Variants in CSAD observed in about 807,000 individuals in gnomAD.
CSAD encodes cysteine sulfinic acid decarboxylase, also known as P-selectin cytoplasmic tail-associated protein.
In CSAD, 47 loss-of-function variants were observed where a neutral mutation model predicts 61.5. The ratio of observed to expected loss-of-function variants is 0.76; its 90% CI spans 0.60 to 0.97. CSAD has a LOEUF of 0.97. Ranked by LOEUF, CSAD falls within the 50% of genes least tolerant of loss-of-function variation. The pLI is 0.00. For missense variants in CSAD, 611 were observed against 643.6 expected (o/e 0.95, Z 0.55); for synonymous variants, 245 against 252.7 (o/e 0.97, Z 0.29).
chr12:53,171,133 T>C, intron 8 of CSAD, 193 bp downstream of exon 8: 1 of 803,020 alleles, frequency 1.2e-6, no homozygotes, highest in Non-Finnish European at 2.1e-6. Context: ...GCCCCTCCTC[T>C]GCCCCCAAAC....
chr12:53,158,460 G>T lies in CSAD; in HGVS notation c.*51C>A. ...CTCAAAGGCTGGGAGGGAATGCAGT[G>T]ACTCTGCGGGTGAGGGGTGGTATCA... On this transcript the variant is annotated 3_prime_UTR_variant, in exon 17 of 17. Coordinates refer to ENST00000444623, the MANE Select transcript of CSAD (RefSeq NM_001244705.2). 6.4e-7 allele frequency: 1 copy of T among 1,571,898 alleles called. No homozygotes were observed.
chr12:53,166,681 A>G (rs1939979424), intron 10 of CSAD, among the ~76,000 whole-genome samples: 1 of 152,072 alleles, frequency 6.6e-6, no homozygotes, highest in Admixed American at 6.6e-5. Flanking sequence ...CTGTAATCCC[A>G]GCTACTCAGG....
At chr12:53,160,343 C>T in intron 13 of CSAD, 24 bp from the exon 14 acceptor site, 2 of 1,610,808 alleles carry the variant, frequency 1.2e-6, no homozygotes, top group Middle Eastern at 1.7e-4. Context: ...AGGAGATTGT[C>T]AGACCCTACC....
At chr12:53,159,823 G>T in intron 15 of CSAD, 64 bp downstream of exon 15, 1 of 1,543,294 alleles carries the variant, frequency 6.5e-7, no homozygotes, top group Non-Finnish European at 8.8e-7. Flanking sequence ...GGCTTTAGTT[G>T]GGGCTTGGGG....
In CSAD at chr12:53,161,161, G is replaced by C; in HGVS notation, c.850C>G (p.Gln284Glu). The change falls in exon 12 of 17, where the codon CAG becomes GAG. Residue 284 changes from glutamine (Q) to glutamate (E), a missense_variant. By Grantham distance (29) the Gln-to-Glu change is conservative. Coordinates refer to ENST00000444623, the MANE Select transcript of CSAD (RefSeq NM_001244705.2). ...CCATCCAGGAGATGCCTGTGTGTCTGTGACAGCAGGACGCTCCCACCCCAG... is the reference window on the plus strand; with the variant it reads ...CCATCCAGGAGATGCCTGTGTGTCTCTGACAGCAGGACGCTCCCACCCCAG... The part of the protein sequence containing the change: ...AAWGGSVLLS[Q>E]THRHLLDGIQ... 6.2e-7 allele frequency: 1 copy of C among 1,614,170 alleles called. No individual in the cohort carries two copies.
intron 1 of CSAD, 130 bp downstream of exon 1, chr12:53,180,602 C>T (rs1489372928): frequency 3.1e-6 from 4 of 1,284,508 alleles, no homozygotes; most frequent in Non-Finnish European, 4.1e-6. Flanking sequence ...CAAGCTCACC[C>T]GCTCTGAGGC....
intron 15 of CSAD, 34 bp downstream of exon 15, chr12:53,159,852 TG>T: frequency 6.4e-7 from 1 of 1,571,982 alleles, no homozygotes; most frequent in Non-Finnish European, 8.6e-7. Flanking sequence ...AGAGCTAGGC[TG>T]GGGCAGGGGC....
At chr12:53,162,764 G>GA (rs201331807) in intron 10 of CSAD, among the ~76,000 whole-genome samples, 4,193 of 146,970 alleles carry the variant, frequency 0.029, 186 homozygotes, top group African/African-American at 0.099. Context: ...CTCTACAAAC[G>GA]AAAAAAAAAT....
intron 10 of CSAD, among the ~76,000 whole-genome samples, chr12:53,167,693 C>A (rs1940090514): frequency 6.6e-6 from 1 of 152,002 alleles, no homozygotes; most frequent in African/African-American, 2.4e-5. Flanking sequence ...CACTTCACAC[C>A]CACTAAGTGG....
intron 13 of CSAD, 72 bp from the exon 14 acceptor site, chr12:53,160,391 G>A: frequency 6.9e-7 from 1 of 1,455,592 alleles, no homozygotes; most frequent in Non-Finnish European, 9.6e-7. Flanking sequence ...TGCACTGTGG[G>A]GGTCTTAGCT....
At chr12:53,169,440 T>C (rs943380404) in intron 10 of CSAD, among the ~76,000 whole-genome samples, 20 of 151,120 alleles carry the variant, frequency 1.3e-4, no homozygotes, top group South Asian at 1.0e-3. Context: ...GATCACGCCA[T>C]TGCACTCCTG....
At position 53,170,510 on chromosome 12, in the gene CSAD, G is replaced by T. The variant is rs759983714; in HGVS notation, c.568-8C>A. 1.2e-6 allele frequency: 2 copies of T among 1,612,622 alleles called. No individual in the cohort carries two copies. The highest frequency in any genetic ancestry group is 1.7e-6 in the Non-Finnish European group (2 of 1,178,690). ...CTGGATGGAGTAGTGACACTGTGGGGGAAGGCAGAGGGCAAGTTAGCACAA... is the reference window on the plus strand; with the variant it reads ...CTGGATGGAGTAGTGACACTGTGGGTGAAGGCAGAGGGCAAGTTAGCACAA... On this transcript the variant is annotated splice_polypyrimidine_tract_variant and splice_region_variant and intron_variant, in intron 8 of 16. Transcript: ENST00000444623.
In CSAD at chr12:53,159,681, A is replaced by T. The variant is rs371460158; in HGVS notation, c.1250T>A (p.Val417Glu). The change falls in exon 16 of 17, where the codon GTA becomes GAA. Residue 417 changes from valine to glutamate, a missense_variant. Physicochemically the swap from Val to Glu is moderately radical, Grantham distance 121. Transcript: ENST00000444623. ...CTGCTTCCCTCGCAGGCTGGGGGGT[A>T]CGAACCAGAAACACACATTGACAAA... ...PEFVNVCFWF[V>E]PPSLRGKQES... 4.3e-5 allele frequency: 69 copies of T among 1,611,218 alleles called. No individual in the cohort carries two copies. Among genetic ancestry groups the T allele is most frequent in the Non-Finnish European group, 5.6e-5 (66 of 1,178,824 alleles).
intron 2 of CSAD, among the ~76,000 whole-genome samples, chr12:53,176,838 T>C (rs1941144801): frequency 6.6e-6 from 1 of 152,126 alleles, no homozygotes; most frequent in African/African-American, 2.4e-5. Flanking sequence ...GCTCAAACAA[T>C]TCTCCCACCT....
At chr12:53,177,954 T>TA (rs751734048) in intron 2 of CSAD, 1,750 of 151,208 alleles carry the variant, frequency 0.012, 8 homozygotes, top group Non-Finnish European at 0.016. Context: ...ACCCATCTCT[T>TA]AAAAAAAAAA....
At chr12:53,176,116 GA>G (rs1252233466) in intron 2 of CSAD, among the ~76,000 whole-genome samples, 1 of 151,902 alleles carries the variant, frequency 6.6e-6, no homozygotes, top group Non-Finnish European at 1.5e-5. Context: ...AAGGGGGGGT[GA>G]GGGGCGGGCA....
At chr12:53,173,576 T>C (rs543679538) in intron 3 of CSAD, 100 bp from the exon 4 acceptor site, 7 of 1,597,308 alleles carry the variant, frequency 4.4e-6, no homozygotes, top group Non-Finnish European at 6.0e-6. Flanking sequence ...GCCCAAACCC[T>C]GCAGCTCAGT....
chr12:53,170,276 CT>C, intron 9 of CSAD, 146 bp downstream of exon 9: 1 of 977,920 alleles, frequency 1.0e-6, no homozygotes, highest in Non-Finnish European at 1.6e-6. Flanking sequence ...CGCTGGCAGG[CT>C]CTGGTAGACA....
In CSAD at chr12:53,160,671, T is replaced by C. The variant is rs946479359; in HGVS notation, c.966+92A>G. The C allele has an allele frequency of 2.3e-5, 26 of 1,124,320 alleles. No homozygotes were observed. In the Admixed American group the frequency reaches 2.5e-4, roughly 11 times the overall value. 69.6% of individuals were successfully genotyped at this position (1,124,320 alleles called of 1,614,324 possible). On this transcript the variant is annotated intron_variant, in intron 13 of 16. Coordinates refer to ENST00000444623, the MANE Select transcript of CSAD (RefSeq NM_001244705.2). ...GCTTCAGAAGGGATGGTAAAGAGAA[T>C]AGAGAAAGGCCTGAACTTTATCTAA...
Sources: gnomAD v4.1 joint callset for allele counts (sites outside exome capture counted in the v4.1 genomes callset) on GRCh38, gnomAD v4.1.1 for gene constraint, MANE v1.5 for transcripts, NCBI Gene and HGNC (gene_info 2026-07-23, HGNC 2026-07-21) for gene names.